The following PCP4 variants were observed in gnomAD, a reference collection of about 807,000 sequenced individuals.
PCP4 encodes Purkinje cell protein 4.
Under a neutral mutation model 10.0 loss-of-function variants are expected in PCP4, and 8 were observed. That is an observed-to-expected ratio of 0.80 (90% CI 0.47 to 1.45). PCP4 has a LOEUF of 1.45. Ranked by LOEUF, PCP4 falls within the 40% of genes most tolerant of loss-of-function variation. The pLI, the probability that PCP4 is intolerant of heterozygous loss-of-function variation, is 0.00. For synonymous variants in PCP4, 21 were observed against 23.0 expected (o/e 0.91, Z 0.24); for missense variants, 54 against 74.4 (o/e 0.73, Z 1.01).
At chr21:39,884,561 C>T (rs1271261677) in intron 1 of PCP4, among the ~76,000 whole-genome samples, 2 of 152,034 alleles carry the variant, frequency 1.3e-5, no homozygotes, top group Non-Finnish European at 2.9e-5. Context: ...CTCTGGGAGG[C>T]TGAGGCAGGC....
intron 1 of PCP4, among the ~76,000 whole-genome samples, chr21:39,876,908 G>C (rs976122447): frequency 7.9e-5 from 12 of 152,278 alleles, no homozygotes; most frequent in Admixed American, 6.5e-4. Context: ...CCTGCTTAAG[G>C]ACGGTTGACC....
intron 1 of PCP4, among the ~76,000 whole-genome samples, chr21:39,896,006 C>T (rs145844089): frequency 1.0e-3 from 152 of 152,284 alleles, no homozygotes; most frequent in Middle Eastern, 3.4e-3. Flanking sequence ...CCTTCACCTA[C>T]GACATAAATC....
At chr21:39,901,387 T>A (rs2087481810) in intron 2 of PCP4, among the ~76,000 whole-genome samples, 1 of 152,230 alleles carries the variant, frequency 6.6e-6, no homozygotes, top group Admixed American at 6.5e-5. Context: ...ACCAGGCACA[T>A]GGTGACGAAG....
At chr21:39,926,417 A>G (rs1324518766) in intron 2 of PCP4, among the ~76,000 whole-genome samples, 1 of 152,202 alleles carries the variant, frequency 6.6e-6, no homozygotes, top group Non-Finnish European at 1.5e-5. Context: ...AAAAGGGAAA[A>G]GACAAATCAG....
chr21:39,920,139 T>C (rs2087588922), intron 2 of PCP4, among the ~76,000 whole-genome samples: 1 of 146,598 alleles, frequency 6.8e-6, no homozygotes, highest in Non-Finnish European at 1.5e-5. Context: ...GTGTGGTGTG[T>C]GTGGTGTAGT....
At chr21:39,900,384 C>T (rs994740996) in intron 2 of PCP4, among the ~76,000 whole-genome samples, 2 of 152,068 alleles carry the variant, frequency 1.3e-5, no homozygotes, top group African/African-American at 2.4e-5. Flanking sequence ...TTCTTGAGGA[C>T]CCCAAAGAAC....
At chr21:39,877,156 A>G (rs2087350411) in intron 1 of PCP4, among the ~76,000 whole-genome samples, 2 of 152,170 alleles carry the variant, frequency 1.3e-5, no homozygotes, top group East Asian at 3.9e-4. Flanking sequence ...ACCTGTCCAA[A>G]TTCCACTTAG....
chr21:39,893,579 C>A (rs986363215), intron 1 of PCP4, among the ~76,000 whole-genome samples: 1 of 152,260 alleles, frequency 6.6e-6, no homozygotes, highest in African/African-American at 2.4e-5. Flanking sequence ...TCCAGAGAGT[C>A]CCAGCTCATG....
intron 2 of PCP4, among the ~76,000 whole-genome samples, chr21:39,898,939 C>A (rs1237326208): frequency 1.3e-5 from 2 of 152,192 alleles, no homozygotes; most frequent in Non-Finnish European, 2.9e-5. Context: ...CCCTCCGGAG[C>A]ACACACAATG....
chr21:39,871,509 G>A (rs1045551854), intron 1 of PCP4, among the ~76,000 whole-genome samples: 6 of 152,202 alleles, frequency 3.9e-5, no homozygotes, highest in African/African-American at 1.4e-4. Flanking sequence ...AACTTCTTAT[G>A]TAATTATAAC....
At chr21:39,923,786 C>G (rs1264862825) in intron 2 of PCP4, among the ~76,000 whole-genome samples, 2 of 152,164 alleles carry the variant, frequency 1.3e-5, no homozygotes, top group Admixed American at 6.5e-5. Context: ...GTCCATACCA[C>G]TCGTTTAGAC....
At chr21:39,877,176 A>G (rs988716855) in intron 1 of PCP4, among the ~76,000 whole-genome samples, 3 of 152,176 alleles carry the variant, frequency 2.0e-5, no homozygotes, top group African/African-American at 7.2e-5. Flanking sequence ...GGGTTTGCAC[A>G]AGTAATTTAT....
At chr21:39,877,085 T>G (rs11910970) in intron 1 of PCP4, among the ~76,000 whole-genome samples, 1 of 152,224 alleles carries the variant, frequency 6.6e-6, no homozygotes, top group Admixed American at 6.5e-5. Context: ...CTAAGTTTCC[T>G]TTCCACATTT....
chr21:39,877,760 G>A (rs2087353315), intron 1 of PCP4, among the ~76,000 whole-genome samples: 1 of 152,094 alleles, frequency 6.6e-6, no homozygotes, highest in Non-Finnish European at 1.5e-5. Flanking sequence ...TGTTGGCAAA[G>A]TTTTCTTTTG....
rs142095504 is a variant in PCP4 at position 39,913,035 on chromosome 21, G to C, written c.61+14508G>C. Reference sequence around the variant, plus strand: ...CTCTACTCTTAGTTAATCTTTTTGAGTCCAGGTTACTATATGTAGTTCAGC... The same window carrying C: ...CTCTACTCTTAGTTAATCTTTTTGACTCCAGGTTACTATATGTAGTTCAGC... On this transcript the variant is annotated intron_variant, in intron 2 of 2. Transcript: ENST00000328619. Among the ~76,000 whole-genome samples the C allele has an allele frequency of 2.4e-3, 366 of 152,180 alleles. 2 individuals are homozygous for C. The highest frequency in any genetic ancestry group is 8.5e-3 in the African/African-American group (351 of 41,516).
At chr21:39,913,186 TA>T (rs2087549389) in intron 2 of PCP4, among the ~76,000 whole-genome samples, 1 of 152,076 alleles carries the variant, frequency 6.6e-6, no homozygotes, top group Admixed American at 6.6e-5. Context: ...GACCCATCTT[TA>T]AAAAGGTATT....
chr21:39,893,746 A>G (rs1429986695), intron 1 of PCP4, among the ~76,000 whole-genome samples: 1 of 152,242 alleles, frequency 6.6e-6, no homozygotes, highest in Admixed American at 6.5e-5. Flanking sequence ...GAAAGAGCCC[A>G]GTGGTGTTAC....
intron 2 of PCP4, 100 bp from the exon 3 acceptor site, chr21:39,928,884 C>A: frequency 8.4e-7 from 1 of 1,184,308 alleles, no homozygotes; most frequent in Non-Finnish European, 1.2e-6. Context: ...CCTGTGTGTG[C>A]CCCAAGGTGG....
intron 1 of PCP4, among the ~76,000 whole-genome samples, chr21:39,894,112 A>C (rs1285142983): frequency 2.6e-5 from 4 of 152,152 alleles, no homozygotes; most frequent in African/African-American, 7.2e-5. Context: ...TCAGGAGAAG[A>C]ATGAGAACAT....
Sources: gnomAD v4.1 joint callset for allele counts (sites outside exome capture counted in the v4.1 genomes callset) on GRCh38, gnomAD v4.1.1 for gene constraint, MANE v1.5 for transcripts, NCBI Gene and HGNC (gene_info 2026-07-23, HGNC 2026-07-21) for gene names.